Variants in SRRM4 observed in about 807,000 individuals in gnomAD.
SRRM4 encodes the protein serine/arginine repetitive matrix protein 4.
Under a neutral mutation model 68.9 loss-of-function variants are expected in SRRM4, and 33 were observed. That is an observed-to-expected ratio of 0.48 (90% CI 0.36 to 0.64). The LOEUF is 0.64. SRRM4 is among the 30% of genes least tolerant of loss of function. The probability of loss-of-function intolerance (pLI) is 0.00; values close to 1 mark genes in which losing one functional copy is unlikely to be tolerated. For missense variants in SRRM4, 817 were observed against 827.1 expected (o/e 0.99, Z 0.15); for synonymous variants, 318 against 318.8 (o/e 1.00, Z 0.03).
At position 118,982,675 on chromosome 12, in the gene SRRM4, T is replaced by TTG. The variant is rs1555212609; in HGVS notation, c.131+663_131+664insGT. On this transcript the variant is annotated intron_variant, in intron 1 of 12. Transcript: ENST00000267260. ...CTTGGAAGAGTTTTATTTTGTTTTT[T>TTG]TTTGTTTTTTTTTTTTTTTTCCAAA... Among the ~76,000 whole-genome samples, 363 of 94,758 alleles carry TTG rather than the reference T, an allele frequency of 3.8e-3. 5 individuals are homozygous for TTG. The highest frequency in any genetic ancestry group is 0.025 in the Middle Eastern group (5 of 204). The allele number at this position is 94,758 out of a possible 152,430, so 62.2% of individuals were successfully genotyped here.
chr12:119,054,300 T>G (rs997392712), intron 1 of SRRM4, among the ~76,000 whole-genome samples: 4 of 152,218 alleles, frequency 2.6e-5, no homozygotes, highest in Non-Finnish European at 4.4e-5. Context: ...TAACACTTTT[T>G]GAGCACTCAC....
At position 119,157,201 on chromosome 12, in the gene SRRM4, G is replaced by A. The variant is rs923413074; in HGVS notation, c.*403G>A. 3.3e-5 allele frequency: 6 copies of A among 184,122 alleles called. No homozygotes were observed. The highest frequency in any genetic ancestry group is 2.7e-4 in the Admixed American group (5 of 18,572). The allele number at this position is 184,122 out of a possible 1,614,324, so 11.4% of individuals were successfully genotyped here. A position where few individuals can be genotyped will look rare whatever the true frequency, so the allele number is the denominator to read the frequency against. ...CCGTGGTAATTCTCCCCACCTCCCCGGATGCCCCACTAGTCCAACTTCATG... is the reference window on the plus strand; with the variant it reads ...CCGTGGTAATTCTCCCCACCTCCCCAGATGCCCCACTAGTCCAACTTCATG... On this transcript the variant is annotated 3_prime_UTR_variant, in exon 13 of 13. Transcript: ENST00000267260. The surrounding 1 kb of genome is among the most constrained non-coding windows in gnomAD (Gnocchi z 4.1).
chr12:119,125,963 C>G (rs957871839), intron 7 of SRRM4, among the ~76,000 whole-genome samples: 1 of 148,714 alleles, frequency 6.7e-6, no homozygotes, highest in Non-Finnish European at 1.5e-5. Context: ...GGCTGGAGAC[C>G]AAAAGGTCTT....
chr12:119,002,134 G>A (rs886289926), intron 1 of SRRM4, among the ~76,000 whole-genome samples: 2 of 151,978 alleles, frequency 1.3e-5, no homozygotes, highest in Non-Finnish European at 2.9e-5. Flanking sequence ...GCCCTGAGGG[G>A]TTAAACATGA....
At chr12:119,011,307 T>G (rs1236398504) in intron 1 of SRRM4, among the ~76,000 whole-genome samples, 1 of 152,214 alleles carries the variant, frequency 6.6e-6, no homozygotes, top group East Asian at 1.9e-4. Context: ...TTGGCACTAC[T>G]GACATTTAGG....
intron 1 of SRRM4, among the ~76,000 whole-genome samples, chr12:119,010,455 G>T (rs1252693705): frequency 6.6e-6 from 1 of 152,198 alleles, no homozygotes; most frequent in Non-Finnish European, 1.5e-5. Context: ...CAAGGGGTTT[G>T]TCCACTTTGA....
In SRRM4 at chr12:119,162,417, T is replaced by C. The variant is rs1489086652; in HGVS notation, c.*5619T>C. The C allele has an allele frequency of 6.6e-6, 1 of 152,238 alleles. No homozygotes were observed. The highest frequency in any genetic ancestry group is 1.5e-5 in the Non-Finnish European group (1 of 68,052). 9.4% of individuals were successfully genotyped at this position (152,238 alleles called of 1,614,324 possible). A position where few individuals can be genotyped will look rare whatever the true frequency, so the allele number is the denominator to read the frequency against. ...CCAAGATGGGCTTACCTTGCCCTGC[T>C]CTGGATTTAACCATTGTTCATTGTC... On this transcript the variant is annotated 3_prime_UTR_variant, in exon 13 of 13. Coordinates refer to ENST00000267260, the MANE Select transcript of SRRM4 (RefSeq NM_194286.4).
At chr12:119,085,085 G>A (rs1592892431) in intron 1 of SRRM4, among the ~76,000 whole-genome samples, 1 of 152,250 alleles carries the variant, frequency 6.6e-6, no homozygotes, top group East Asian at 1.9e-4. Flanking sequence ...ATTTTTAGTA[G>A]AGATGAGGTT....
chr12:119,029,326 TGATG>T (rs529805398), intron 1 of SRRM4, among the ~76,000 whole-genome samples: 103 of 152,332 alleles, frequency 6.8e-4, no homozygotes, highest in African/African-American at 2.3e-3. Flanking sequence ...TGCTAAGCCC[TGATG>T]AAGACATGAA....
At chr12:119,012,740 C>T (rs1953458067) in intron 1 of SRRM4, among the ~76,000 whole-genome samples, 1 of 152,152 alleles carries the variant, frequency 6.6e-6, no homozygotes. Flanking sequence ...TCTGCAAAGA[C>T]CCTACAATGT....
intron 1 of SRRM4, among the ~76,000 whole-genome samples, chr12:119,065,903 G>A (rs1255209128): frequency 6.6e-6 from 1 of 152,096 alleles, no homozygotes; most frequent in Non-Finnish European, 1.5e-5. Context: ...ATGAAAAAAT[G>A]GTAAGTGGGT....
intron 1 of SRRM4, among the ~76,000 whole-genome samples, chr12:119,051,813 A>T (rs1953744598): frequency 6.6e-6 from 1 of 152,204 alleles, no homozygotes; most frequent in African/African-American, 2.4e-5. Flanking sequence ...GGTAGAACTG[A>T]TGTTTGGTGG....
At chr12:119,021,099 G>C (rs1429724634) in intron 1 of SRRM4, among the ~76,000 whole-genome samples, 2 of 152,188 alleles carry the variant, frequency 1.3e-5, no homozygotes. Flanking sequence ...GTAAGTCAGG[G>C]AAAGGAGGTG....
intron 1 of SRRM4, among the ~76,000 whole-genome samples, chr12:119,078,450 C>A (rs901794025): frequency 6.6e-6 from 1 of 152,210 alleles, no homozygotes; most frequent in African/African-American, 2.4e-5. Flanking sequence ...CTAGTCACTG[C>A]TGCACATATC....
intron 1 of SRRM4, among the ~76,000 whole-genome samples, chr12:118,987,162 C>T (rs998186747): frequency 4.6e-5 from 7 of 152,162 alleles, no homozygotes; most frequent in African/African-American, 1.7e-4. Flanking sequence ...CACTTCACCT[C>T]TTTGTGCCTC....
chr12:119,048,536 C>T (rs552016774), intron 1 of SRRM4, among the ~76,000 whole-genome samples: 5 of 152,074 alleles, frequency 3.3e-5, no homozygotes, highest in Admixed American at 6.5e-5. Context: ...CAGGGAAAAT[C>T]GGGTTCAAAT....
chr12:119,087,428 A>G (rs1021456061), intron 1 of SRRM4, among the ~76,000 whole-genome samples: 2 of 152,240 alleles, frequency 1.3e-5, no homozygotes, highest in Non-Finnish European at 2.9e-5. Context: ...GGCCTGGCTC[A>G]GAAGCTCCCA....
At chr12:119,026,947 C>A (rs1336779607) in intron 1 of SRRM4, among the ~76,000 whole-genome samples, 3 of 152,192 alleles carry the variant, frequency 2.0e-5, no homozygotes, top group East Asian at 3.8e-4. Flanking sequence ...CATTCTCACA[C>A]CTGCAAATGT....
intron 1 of SRRM4, among the ~76,000 whole-genome samples, chr12:119,041,786 G>A (rs1675163381): frequency 1.3e-5 from 2 of 152,178 alleles, no homozygotes; most frequent in Admixed American, 6.5e-5. Context: ...AGGGAACAGT[G>A]GGACACAGGT....
Sources: allele counts gnomAD v4.1 joint callset (sites outside exome capture counted in the v4.1 genomes callset), GRCh38; gene constraint gnomAD v4.1.1; non-coding constraint Gnocchi (gnomAD v3.1); transcripts MANE v1.5; gene names NCBI Gene and HGNC (gene_info 2026-07-23, HGNC 2026-07-21).